SAMMSON: variants seen among roughly 807,000 people sequenced by gnomAD.
SAMMSON encodes the protein long intergenic non-protein coding RNA 1212.
intron 4 of SAMMSON, among the ~76,000 whole-genome samples, chr3:70,198,182 T>C (rs1701200019): frequency 6.6e-6 from 1 of 152,192 alleles, no homozygotes; most frequent in African/African-American, 2.4e-5. Flanking sequence ...TTATTGATGA[T>C]TGAAAGTAAC....
intron 4 of SAMMSON, among the ~76,000 whole-genome samples, chr3:70,191,928 C>T (rs969945165): frequency 2.0e-5 from 3 of 149,248 alleles, no homozygotes; most frequent in Non-Finnish European, 4.4e-5. Flanking sequence ...CTACTTTAGA[C>T]GGCTGTTAGA....
intron 4 of SAMMSON, among the ~76,000 whole-genome samples, chr3:70,188,393 A>T (rs1701107386): frequency 6.6e-6 from 1 of 152,218 alleles, no homozygotes; most frequent in African/African-American, 2.4e-5. Flanking sequence ...CAGCACTGAC[A>T]CATAAGTGCT....
At chr3:70,201,772 C>G (rs1247732668) in intron 4 of SAMMSON, among the ~76,000 whole-genome samples, 6 of 152,170 alleles carry the variant, frequency 3.9e-5, no homozygotes, top group African/African-American at 4.8e-5. Context: ...GGCCTGCTTC[C>G]CTCTCCATTC....
chr3:70,200,740 A>G (rs923987290), intron 4 of SAMMSON, among the ~76,000 whole-genome samples: 3 of 152,220 alleles, frequency 2.0e-5, no homozygotes, highest in African/African-American at 4.8e-5. Flanking sequence ...GACTAAATCA[A>G]TGAATGATTC....
At chr3:70,212,857 A>T (rs1701364905) in intron 4 of SAMMSON, among the ~76,000 whole-genome samples, 1 of 151,930 alleles carries the variant, frequency 6.6e-6, no homozygotes, top group African/African-American at 2.4e-5. Flanking sequence ...GTGGTGGTGC[A>T]ATCACAGTTC....
intron 3 of SAMMSON, chr3:70,030,651 T>A (rs1328173092): frequency 6.6e-6 from 1 of 152,158 alleles, no homozygotes; most frequent in African/African-American, 2.4e-5. Context: ...GAAGTGAATT[T>A]TAAGCATGTG....
At chr3:70,043,215 T>C (rs1408019863) in intron 3 of SAMMSON, among the ~76,000 whole-genome samples, 1 of 152,094 alleles carries the variant, frequency 6.6e-6, no homozygotes, top group Non-Finnish European at 1.5e-5. Context: ...GCCTGGCTTT[T>C]GATAAAACCG....
At chr3:70,311,380 C>T (rs1248617929) in intron 7 of SAMMSON, among the ~76,000 whole-genome samples, 2 of 152,134 alleles carry the variant, frequency 1.3e-5, no homozygotes, top group Non-Finnish European at 1.5e-5. Flanking sequence ...GATTTGTGTG[C>T]GTATTTCAAG....
intron 4 of SAMMSON, among the ~76,000 whole-genome samples, chr3:70,188,107 C>G (rs907958482): frequency 6.6e-6 from 1 of 152,162 alleles, no homozygotes; most frequent in African/African-American, 2.4e-5. Context: ...CTTTTTAAAT[C>G]CTCAAAATGT....
At chr3:70,275,905 G>T (rs1181601051) in intron 6 of SAMMSON, among the ~76,000 whole-genome samples, 1 of 151,982 alleles carries the variant, frequency 6.6e-6, no homozygotes, top group Admixed American at 6.6e-5. Flanking sequence ...AAATCAGATT[G>T]CTCATTGTCG....
chr3:70,340,528 G>T (rs1057399915), intron 7 of SAMMSON, among the ~76,000 whole-genome samples: 6 of 151,922 alleles, frequency 3.9e-5, no homozygotes, highest in Non-Finnish European at 1.5e-5. Context: ...CTAAATTGTT[G>T]GGACAAACAA....
At chr3:70,055,477 C>T (rs146446531) in intron 3 of SAMMSON, among the ~76,000 whole-genome samples, 68 of 152,206 alleles carry the variant, frequency 4.5e-4, no homozygotes, top group African/African-American at 1.5e-3. Context: ...TTTCACAATT[C>T]GTGAACTTTT....
intron 3 of SAMMSON, among the ~76,000 whole-genome samples, chr3:70,018,290 C>G (rs1161776099): frequency 6.6e-6 from 1 of 152,160 alleles, no homozygotes; most frequent in Non-Finnish European, 1.5e-5. Context: ...AGAGATTCAG[C>G]TTCTTCCTGG....
chr3:70,250,975 A>G (rs1303893127), intron 6 of SAMMSON, among the ~76,000 whole-genome samples: 1 of 152,206 alleles, frequency 6.6e-6, no homozygotes. Context: ...ATGACATCCC[A>G]ATGTGATTTG....
chr3:70,296,801 C>CTGCTTT (rs1398329299), intron 7 of SAMMSON, among the ~76,000 whole-genome samples: 1 of 152,112 alleles, frequency 6.6e-6, no homozygotes, highest in Non-Finnish European at 1.5e-5. Context: ...TTTTTCTACT[C>CTGCTTT]TTCAGCCCAC....
At chr3:70,170,510 GT>G (rs1485835185) in intron 4 of SAMMSON, among the ~76,000 whole-genome samples, 2 of 149,978 alleles carry the variant, frequency 1.3e-5, no homozygotes, top group East Asian at 3.9e-4. Flanking sequence ...TGGCCATATG[GT>G]ATTAAATTGG....
intron 7 of SAMMSON, among the ~76,000 whole-genome samples, chr3:70,333,762 T>G (rs1269524578): frequency 6.6e-6 from 1 of 152,240 alleles, no homozygotes; most frequent in Admixed American, 6.5e-5. Flanking sequence ...TTAGTCCTGC[T>G]TAAACCCCTT....
At chr3:70,055,619 A>G (rs1399351303) in intron 3 of SAMMSON, among the ~76,000 whole-genome samples, 1 of 152,132 alleles carries the variant, frequency 6.6e-6, no homozygotes, top group Non-Finnish European at 1.5e-5. Context: ...ATTTATCGAC[A>G]TGCATTTCAG....
At chr3:70,312,218 A>G (rs1464144832) in intron 7 of SAMMSON, among the ~76,000 whole-genome samples, 2 of 152,222 alleles carry the variant, frequency 1.3e-5, no homozygotes, top group Non-Finnish European at 2.9e-5. Flanking sequence ...ACAAGACCTT[A>G]CAATTTCTCA....
Sources: allele counts gnomAD v4.1 joint callset (sites outside exome capture counted in the v4.1 genomes callset), GRCh38; gene constraint gnomAD v4.1.1; transcripts MANE v1.5; gene names NCBI Gene and HGNC (gene_info 2026-07-23, HGNC 2026-07-21).